Variants in TNRC6B observed in about 807,000 individuals in gnomAD.
TNRC6B encodes the protein trinucleotide repeat containing adaptor 6B.
A neutral mutation model predicts 203.6 loss-of-function variants in TNRC6B; 52 were observed. The observed-to-expected ratio is 0.26, with a 90% confidence interval of 0.20 to 0.32. TNRC6B has a LOEUF of 0.32. Among genes scored for constraint, TNRC6B ranks in the 10% least tolerant of loss-of-function variants. The pLI is 1.00. For missense variants in TNRC6B, 1,923 were observed against 2,286.2 expected (o/e 0.84, Z 3.24); for synonymous variants, 838 against 845.7 (o/e 0.99, Z 0.16).
intron 1 of TNRC6B, among the ~76,000 whole-genome samples, chr22:40,198,269 T>A (rs988074195): frequency 6.6e-6 from 1 of 152,190 alleles, no homozygotes; most frequent in Non-Finnish European, 1.5e-5. Context: ...TCATAGATGA[T>A]GCAAAGTTGA....
At chr22:40,186,714 G>A (rs1279443051) in intron 1 of TNRC6B, among the ~76,000 whole-genome samples, 1 of 149,700 alleles carries the variant, frequency 6.7e-6, no homozygotes, top group Non-Finnish European at 1.5e-5. Flanking sequence ...CTCCAGCCTG[G>A]GTGACAGAAC....
At chr22:40,057,982 C>CAA (rs1250744378) in intron 1 of TNRC6B, among the ~76,000 whole-genome samples, 1 of 152,196 alleles carries the variant, frequency 6.6e-6, no homozygotes. Flanking sequence ...ACTCTTTAGT[C>CAA]AATTTTGTCA....
rs1317820473 is a variant in TNRC6B at position 40,241,722 on chromosome 22, C to CT, written c.6-4291dup. Among the ~76,000 whole-genome samples, 22 of 152,316 alleles carry CT rather than the reference C, an allele frequency of 1.4e-4. No individual in the cohort carries two copies. In the East Asian group the frequency reaches 4.2e-3, roughly 29 times the overall value. ...CAGGCTTCTCCTTGACGTAATTACT[C>CT]TTCTCAACCCTTTATGACAAGTATT... On this transcript the variant is annotated intron_variant, in intron 1 of 22. Transcript: ENST00000454349.
chr22:40,311,814 A>T (rs954215380), intron 17 of TNRC6B, among the ~76,000 whole-genome samples: 4 of 152,258 alleles, frequency 2.6e-5, no homozygotes, highest in African/African-American at 4.8e-5. Flanking sequence ...AAGTGCCGGG[A>T]TTACAGGCGT....
At chr22:40,091,406 G>T (rs1010597964) in intron 1 of TNRC6B, among the ~76,000 whole-genome samples, 4 of 151,616 alleles carry the variant, frequency 2.6e-5, no homozygotes, top group Non-Finnish European at 5.9e-5. Flanking sequence ...CCACCATCGG[G>T]TACAGTTGGA....
At chr22:40,078,057 A>T (rs1235154866) in intron 1 of TNRC6B, among the ~76,000 whole-genome samples, 1 of 152,102 alleles carries the variant, frequency 6.6e-6, no homozygotes, top group Non-Finnish European at 1.5e-5. Flanking sequence ...CTAAATTTCC[A>T]TAAGAATTGC....
intron 1 of TNRC6B, among the ~76,000 whole-genome samples, chr22:40,115,044 G>C (rs968896542): frequency 2.6e-5 from 4 of 152,164 alleles, no homozygotes; most frequent in African/African-American, 7.2e-5. Flanking sequence ...AAGAGTACTT[G>C]GAAAACTGCT....
chr22:40,118,709 C>G (rs1393588346), intron 2 of TNRC6B, among the ~76,000 whole-genome samples: 1 of 152,172 alleles, frequency 6.6e-6, no homozygotes, highest in East Asian at 1.9e-4. Flanking sequence ...CGTCTGGTAT[C>G]AAGGGGTTGA....
chr22:40,056,677 A>C (rs2146267248), intron 1 of TNRC6B, among the ~76,000 whole-genome samples: 2 of 152,110 alleles, frequency 1.3e-5, no homozygotes, highest in Middle Eastern at 3.4e-3. Context: ...ACATGCCTGT[A>C]GTCCTAGCTA....
chr22:40,054,214 TCAAAAA>T (rs2067774132), intron 1 of TNRC6B, among the ~76,000 whole-genome samples: 1 of 152,190 alleles, frequency 6.6e-6, no homozygotes, highest in Non-Finnish European at 1.5e-5. Context: ...AGACCCTGTC[TCAAAAA>T]CAAAACTGTC....
intron 1 of TNRC6B, among the ~76,000 whole-genome samples, chr22:40,072,894 C>T (rs1400144990): frequency 2.1e-5 from 3 of 140,194 alleles, no homozygotes; most frequent in African/African-American, 7.9e-5. Flanking sequence ...AAAAAGCTGG[C>T]TTCACAGTGG....
intron 11 of TNRC6B, among the ~76,000 whole-genome samples, chr22:40,284,744 C>G (rs1183316280): frequency 6.6e-6 from 1 of 152,066 alleles, no homozygotes; most frequent in Non-Finnish European, 1.5e-5. Context: ...GGAAGACTTC[C>G]TTGATGAGGA....
intron 12 of TNRC6B, among the ~76,000 whole-genome samples, chr22:40,297,752 G>A (rs1285655908): frequency 6.6e-6 from 1 of 152,036 alleles, no homozygotes; most frequent in Non-Finnish European, 1.5e-5. Flanking sequence ...AACCCAGGAG[G>A]TGGAGCTTGC....
chr22:40,320,150 ATGAAC>A (rs1017037921), intron 21 of TNRC6B, among the ~76,000 whole-genome samples: 31 of 152,346 alleles, frequency 2.0e-4, no homozygotes, highest in African/African-American at 7.0e-4. Context: ...TTCCAAAGAA[ATGAAC>A]TGAAATGGTG....
intron 1 of TNRC6B, among the ~76,000 whole-genome samples, chr22:40,201,040 CGTG>C (rs2069405745): frequency 6.6e-6 from 1 of 152,192 alleles, no homozygotes; most frequent in African/African-American, 2.4e-5. Flanking sequence ...GAGCATCACA[CGTG>C]GTGATACACG....
At chr22:40,277,724 G>A (rs944120746) in intron 8 of TNRC6B, among the ~76,000 whole-genome samples, 21 of 152,184 alleles carry the variant, frequency 1.4e-4, no homozygotes, top group African/African-American at 2.4e-5. Flanking sequence ...ACTTAAGGAC[G>A]GGGGTTTATT....
chr22:40,308,545 T>C lies in TNRC6B; in HGVS notation c.4154T>C (p.Val1385Ala). Reference sequence around the variant, plus strand: ...TCTGGCGGCATGGACTATGGCATGGTTGGTGGGAAGGAGGCTGGAACCGAG... The same window carrying C: ...TCTGGCGGCATGGACTATGGCATGGCTGGTGGGAAGGAGGCTGGAACCGAG... ...FSSGGMDYGM[V>A]GGKEAGTESR... The change falls in exon 16 of 23, where the codon GTT (valine) becomes GCT (alanine). Residue 1385 changes from valine to alanine, a missense_variant. This residue lies in a region of TNRC6B where 242 missense variants were observed against 399.5 expected (regional missense o/e 0.61). Coordinates refer to ENST00000454349, the MANE Select transcript of TNRC6B (RefSeq NM_001162501.2). The C allele has an allele frequency of 1.2e-6, 2 of 1,613,996 alleles. No homozygotes were observed. Among genetic ancestry groups the C allele is most frequent in the Non-Finnish European group, 1.7e-6 (2 of 1,179,884 alleles).
At chr22:40,289,014 A>G (rs771075319) in intron 12 of TNRC6B, among the ~76,000 whole-genome samples, 7 of 151,562 alleles carry the variant, frequency 4.6e-5, no homozygotes, top group Non-Finnish European at 7.4e-5. Flanking sequence ...GGGTTTCACC[A>G]TGTTGGCCAA....
chr22:40,048,801 T>C (rs1382017343), intron 1 of TNRC6B, among the ~76,000 whole-genome samples: 1 of 152,108 alleles, frequency 6.6e-6, no homozygotes, highest in Non-Finnish European at 1.5e-5. Context: ...GGCTTTCTCT[T>C]TTCTTTTTCC....
Sources: allele counts gnomAD v4.1 joint callset (sites outside exome capture counted in the v4.1 genomes callset), GRCh38; gene constraint gnomAD v4.1.1; regional missense constraint gnomAD v4.1.1; transcripts MANE v1.5; gene names NCBI Gene and HGNC (gene_info 2026-07-23, HGNC 2026-07-21).